The following COL28A1 variants were observed in gnomAD, a reference collection of about 807,000 sequenced individuals.
The protein encoded by COL28A1 is collagen type XXVIII alpha 1 chain, also known as collagen alpha-1(XXVIII) chain.
COL28A1 carries 161 observed loss-of-function variants against 150.2 expected under a neutral mutation model. That is an observed-to-expected ratio of 1.07 (90% CI 0.94 to 1.22). The LOEUF is 1.22. Ranked by LOEUF, COL28A1 falls within the 50% of genes most tolerant of loss-of-function variation. The probability of loss-of-function intolerance (pLI) is 0.00; values close to 1 mark genes in which losing one functional copy is unlikely to be tolerated. For synonymous variants in COL28A1, 552 were observed against 469.7 expected, an observed-to-expected ratio of 1.18 and a Z score of -2.26; for missense variants, 1,617 against 1,388.3, an observed-to-expected ratio of 1.16 and a Z score of -2.62.
chr7:7,370,437 TC>T (rs1781164646), intron 33 of COL28A1, among the ~76,000 whole-genome samples: 3 of 152,328 alleles, frequency 2.0e-5, no homozygotes, highest in African/African-American at 7.2e-5. Flanking sequence ...TTAATCTGTT[TC>T]AGCATACATG....
intron 15 of COL28A1, among the ~76,000 whole-genome samples, chr7:7,472,607 T>C (rs1443884623): frequency 6.6e-6 from 1 of 152,122 alleles, no homozygotes; most frequent in Non-Finnish European, 1.5e-5. Flanking sequence ...CCAAAAGCCA[T>C]ACACAAATTC....
chr7:7,508,115 C>T (rs1780918521), intron 9 of COL28A1, among the ~76,000 whole-genome samples: 1 of 151,938 alleles, frequency 6.6e-6, no homozygotes, highest in Non-Finnish European at 1.5e-5. Flanking sequence ...ACCTGTAGTC[C>T]CAGCTACTGG....
rs1212608526 is a variant in COL28A1, at chr7:7,452,257, A to G, written c.1509+62T>C. 3.2e-6 allele frequency: 5 copies of G among 1,572,282 alleles called. No individual in the cohort carries two copies. The East Asian group carries it at 7.0e-5, about 22-fold the overall frequency. On this transcript the variant is annotated intron_variant, in intron 18 of 34. Coordinates refer to ENST00000399429, the MANE Select transcript of COL28A1 (RefSeq NM_001037763.3). Reference sequence around the variant, plus strand: ...AGAGTCTGTAAGGCAATTGGATATAAAGGAAACCTTATATAATGTTACATA... The same window carrying G: ...AGAGTCTGTAAGGCAATTGGATATAGAGGAAACCTTATATAATGTTACATA...
chr7:7,436,394 C>T lies in COL28A1; in HGVS notation c.1860+1G>A, dbSNP rs757307745. 2.3e-6 allele frequency: 3 copies of T among 1,300,946 alleles called. No individual in the cohort carries two copies. The highest frequency in any genetic ancestry group is 2.9e-5 in the African/African-American group (2 of 69,000). 80.6% of individuals were successfully genotyped at this position (1,300,946 alleles called of 1,614,324 possible). Reference sequence around the variant, plus strand: ...ACAAAAAGAACATGAATAAAGCATACCTTTGGTCCTCGAATAGAAAGTCCA... The same window carrying T: ...ACAAAAAGAACATGAATAAAGCATATCTTTGGTCCTCGAATAGAAAGTCCA... On this transcript the variant is annotated splice_donor_variant, in intron 23 of 34. Transcript: ENST00000399429. LOFTEE classifies it high-confidence loss of function.
chr7:7,356,992 T>C (rs1387160753), downstream of COL28A1: 4 of 152,166 alleles, frequency 2.6e-5, no homozygotes, highest in African/African-American at 9.7e-5. Context: ...GTGCTCTTTT[T>C]TGCACTGTTG....
intron 9 of COL28A1, among the ~76,000 whole-genome samples, chr7:7,509,972 G>T (rs1261342521): frequency 6.6e-6 from 1 of 152,072 alleles, no homozygotes; most frequent in African/African-American, 2.4e-5. Context: ...CATTCAGAAA[G>T]TCTCAATCTA....
At chr7:7,422,312 C>T (rs1784419625) in intron 25 of COL28A1, among the ~76,000 whole-genome samples, 1 of 152,122 alleles carries the variant, frequency 6.6e-6, no homozygotes, top group African/African-American at 2.4e-5. Context: ...CTGTGCCCTT[C>T]CAAGATGAGG....
chr7:7,531,465 A>C lies in COL28A1; in HGVS notation c.564T>G (p.Ile188Met), dbSNP rs1187900101. 6.3e-7 allele frequency: 1 copy of C among 1,595,586 alleles called. No individual in the cohort carries two copies. Among genetic ancestry groups the C allele is most frequent in the Non-Finnish European group, 8.6e-7 (1 of 1,163,378 alleles). Residue 188 changes from isoleucine to methionine, a missense_variant, in exon 3 of 35, where the codon ATT becomes ATG. Physicochemically the swap from Ile to Met is conservative, Grantham distance 10. Coordinates refer to ENST00000399429, the MANE Select transcript of COL28A1 (RefSeq NM_001037763.3). ...ARISGISFIT[I>M]ALSTVVNEAK... ...CTTCATTGACTACCGTAGAAAGTGC[A>C]ATGGTGATAAATGATATTCCTGAAA...
chr7:7,369,950 G>C (rs1344945364), intron 33 of COL28A1, among the ~76,000 whole-genome samples: 1 of 152,102 alleles, frequency 6.6e-6, no homozygotes, highest in Non-Finnish European at 1.5e-5. Context: ...TAATAGAAAT[G>C]GGTCTAGACT....
At chr7:7,393,410 C>G (rs1171874754) in intron 27 of COL28A1, among the ~76,000 whole-genome samples, 3 of 152,168 alleles carry the variant, frequency 2.0e-5, no homozygotes, top group Non-Finnish European at 2.9e-5. Context: ...GGAGGTGTCT[C>G]CCAGTCAGGA....
rs186450358 is a variant in COL28A1 at position 7,443,356 on chromosome 7, G to A, written c.1650+229C>T. ...CAATCTGACCATTTATTGAGAAAAC[G>A]TGTGTCAAACTCTTCTCTATGCTGG... On this transcript the variant is annotated intron_variant, in intron 20 of 34. Transcript: ENST00000399429. 9.9e-5 allele frequency among the ~76,000 whole-genome samples: 15 copies of A among 152,186 alleles called. No homozygotes were observed. The East Asian group carries it at 2.7e-3, about 27-fold the overall frequency.
At chr7:7,339,986 T>C in the COL28A1 span, among the ~76,000 whole-genome samples, 1 of 152,080 alleles carries the variant, frequency 6.6e-6, no homozygotes, top group South Asian at 2.1e-4. Context: ...CCTTACATTA[T>C]TGTTTTTGTT....
In COL28A1 at chr7:7,447,991, C is replaced by T. The variant is rs148744528; in HGVS notation, c.1510-3502G>A. On this transcript the variant is annotated intron_variant, in intron 18 of 34. Transcript: ENST00000399429. ...CTAAGGCACTAGGATCTCTTGAACC[C>T]AGGAGGCAAGGCTGCAGTGAGTCAA... Among the ~76,000 whole-genome samples the T allele has an allele frequency of 2.0e-5, 3 of 152,206 alleles. No homozygotes were observed. In the East Asian group the frequency reaches 5.8e-4, roughly 29 times the overall value.
intron 25 of COL28A1, among the ~76,000 whole-genome samples, chr7:7,424,392 G>A (rs1005940880): frequency 2.0e-5 from 3 of 152,110 alleles, no homozygotes; most frequent in African/African-American, 7.2e-5. Flanking sequence ...GTCTTGCTTG[G>A]CCATTTGACG....
chr7:7,509,164 T>C (rs1780987279), intron 9 of COL28A1, among the ~76,000 whole-genome samples: 1 of 151,940 alleles, frequency 6.6e-6, no homozygotes, highest in Non-Finnish European at 1.5e-5. Context: ...AGGGTTTCGC[T>C]CTGTTACCCA....
In COL28A1 at chr7:7,452,308, A is replaced by G; in HGVS notation, c.1509+11T>C. 6.2e-7 allele frequency: 1 copy of G among 1,600,180 alleles called. No homozygotes were observed. The highest frequency in any genetic ancestry group is 8.5e-7 in the Non-Finnish European group (1 of 1,176,900). On this transcript the variant is annotated intron_variant, in intron 18 of 34. Coordinates refer to ENST00000399429, the MANE Select transcript of COL28A1 (RefSeq NM_001037763.3). ...AAGTATCATATCACTTCTGAGCAGC[A>G]GTCAACTCACCTTTGGACCTTGTAC...
chr7:7,340,278 C>G, the COL28A1 span, among the ~76,000 whole-genome samples: 18 of 152,190 alleles, frequency 1.2e-4, no homozygotes, highest in East Asian at 2.9e-3. Flanking sequence ...TTTTTGAAAA[C>G]CATATCAAGA....
intron 15 of COL28A1, among the ~76,000 whole-genome samples, chr7:7,460,984 C>T (rs1355839842): frequency 3.3e-5 from 5 of 152,128 alleles, no homozygotes; most frequent in Admixed American, 6.5e-5. Context: ...TGCTCTAGAA[C>T]GACTGCAGGA....
At chr7:7,390,541 G>C (rs368998481) in intron 27 of COL28A1, among the ~76,000 whole-genome samples, 5 of 151,940 alleles carry the variant, frequency 3.3e-5, no homozygotes, top group Non-Finnish European at 7.4e-5. Flanking sequence ...CTTTTTCTAT[G>C]GTTTGGAATA....
Sources: gnomAD v4.1 joint callset for allele counts (sites outside exome capture counted in the v4.1 genomes callset) on GRCh38, gnomAD v4.1.1 for gene constraint, MANE v1.5 for transcripts, NCBI Gene and HGNC (gene_info 2026-07-23, HGNC 2026-07-21) for gene names.